ARMC5: variants seen among roughly 807,000 people sequenced by gnomAD.
ARMC5 encodes armadillo repeat-containing protein 5.
Under a neutral mutation model 60.5 loss-of-function variants are expected in ARMC5, and 28 were observed. The ratio of observed to expected loss-of-function variants is 0.46; its 90% confidence interval spans 0.34 to 0.63. The LOEUF (loss-of-function observed/expected upper bound fraction) is 0.63, where lower values mean the gene tolerates loss of function less well. Among genes scored for constraint, ARMC5 ranks in the 30% least tolerant of loss-of-function variants. The probability of loss-of-function intolerance (pLI) is 0.01; values close to 1 mark genes in which losing one functional copy is unlikely to be tolerated. For synonymous variants in ARMC5, 680 were observed against 607.3 expected (o/e 1.12, Z -1.76); for missense variants, 1,189 against 1,304.9 (o/e 0.91, Z 1.37).
At position 31,462,256 on chromosome 16, in the gene ARMC5, G is replaced by A; in HGVS notation, c.709G>A (p.Gly237Arg). The change falls in exon 3 of 6, where the codon GGA (glycine) becomes AGA (arginine). Residue 237 changes from glycine to arginine, a missense_variant. Physicochemically the swap from Gly to Arg is moderately radical, Grantham distance 125. Transcript: ENST00000268314. The surrounding 1 kb of genome is among the most constrained non-coding windows in gnomAD (Gnocchi z 7.2). ...GCACCGCCTGGCCTTGGCACAGCAG[G>A]GAGCAGTGCGTCCGCTGGCCGAGCT... ...PQHRLALAQQ[G>R]AVRPLAELLA... 5 of 1,609,822 alleles carry A rather than the reference G, an allele frequency of 3.1e-6. No homozygotes were observed. The highest frequency in any genetic ancestry group is 1.1e-5 in the South Asian group (1 of 91,084).
intron 1 of ARMC5, among the ~76,000 whole-genome samples, chr16:31,461,670 G>C (rs935395181): frequency 6.6e-6 from 1 of 152,148 alleles, no homozygotes; most frequent in Non-Finnish European, 1.5e-5. Flanking sequence ...ACCATGCCCA[G>C]ATAATTTTTG....
upstream of ARMC5, chr16:31,458,537 G>C (rs1038001101): frequency 4.6e-6 from 7 of 1,529,294 alleles, no homozygotes; most frequent in African/African-American, 9.6e-5. Context: ...CCTTGGTGGT[G>C]AATGAAGCCG....
At position 31,466,409 on chromosome 16, in the gene ARMC5, C is replaced by G. The variant is rs777746191; in HGVS notation, c.2328C>G (p.Ala776=). 1 of 1,612,182 alleles carries G rather than the reference C, an allele frequency of 6.2e-7. No homozygotes were observed. Among genetic ancestry groups the G allele is most frequent in the East Asian group, 2.2e-5 (1 of 44,902 alleles). ...ASATASPFFR[A]LLSGSFAEAQ... ...CCACCGCCTCCCCTTTCTTCCGGGC[C>G]CTGCTGTCAGGCAGCTTTGCAGAAG... Residue 776 remains alanine, a synonymous_variant, in exon 6 of 6, where the codon GCC becomes GCG. Transcript: ENST00000268314. This position sits in a 1 kb window ranked among gnomAD's most constrained non-coding sequence, Gnocchi z 8.0.
In ARMC5 at chr16:31,464,604, G is replaced by A; in HGVS notation, c.1581G>A (p.Leu527=). The A allele has an allele frequency of 6.3e-7, 1 of 1,590,930 alleles. No homozygotes were observed. The highest frequency in any genetic ancestry group is 1.7e-5 in the Admixed American group (1 of 58,278). The change falls in exon 4 of 6, where the codon CTG becomes CTA. Residue 527 remains leucine (L), a synonymous_variant. Coordinates refer to ENST00000268314, the MANE Select transcript of ARMC5 (RefSeq NM_001105247.2). This position sits in a 1 kb window ranked among gnomAD's most constrained non-coding sequence, Gnocchi z 7.6. ...GGGGACGCGAAGGGCCAGCCCTGCT[G>A]CTGCTGTCGCGCTTTTCCCAGGCCC... ...EPWGREGPAL[L]LLSRFSQAPD... is the part of the protein sequence containing the mutation.
In ARMC5 at chr16:31,464,855, G is replaced by A. The variant is rs749059520; in HGVS notation, c.1832G>A (p.Arg611Gln). 5 of 1,599,154 alleles carry A rather than the reference G, an allele frequency of 3.1e-6. No homozygotes were observed. The highest frequency in any genetic ancestry group is 2.2e-5 in the East Asian group (1 of 44,726). The change falls in exon 4 of 6, where the codon CGG (arginine) becomes CAG (glutamine). Residue 611 changes from arginine (R) to glutamine (Q), a missense_variant. By Grantham distance (43) the Arg-to-Gln change is conservative. This residue lies in a region of ARMC5 where 862 missense variants were observed against 1,071.2 expected (regional missense o/e 0.80). Coordinates refer to ENST00000268314, the MANE Select transcript of ARMC5 (RefSeq NM_001105247.2). The surrounding 1 kb of genome is among the most constrained non-coding windows in gnomAD (Gnocchi z 7.6). ...GACGATTGGCCGGCACCACGTGCCC[G>A]GCCCACTCTCCACAGCCGGCACCGA... The part of the protein sequence containing the change: ...APDDWPAPRA[R>Q]PTLHSRHREL...
At chr16:31,460,743 G>A (rs1048246233) in intron 1 of ARMC5, among the ~76,000 whole-genome samples, 1 of 152,098 alleles carries the variant, frequency 6.6e-6, no homozygotes, top group South Asian at 2.1e-4. Flanking sequence ...TCGTATCTTA[G>A]AAAACCAAAC....
chr16:31,464,293 A>T lies in ARMC5; in HGVS notation c.1371-101A>T, dbSNP rs1300772830. The T allele has an allele frequency of 1.5e-4, 17 of 113,278 alleles. No homozygotes were observed. The highest frequency in any genetic ancestry group is 3.2e-3 in the Middle Eastern group (1 of 308). The allele number at this position is 113,278 out of a possible 1,614,324, so 7.0% of individuals were successfully genotyped here. A position where few individuals can be genotyped will look rare whatever the true frequency, so the allele number is the denominator to read the frequency against. ...CTATAGAGGGATACCACATTTCTTTAAAAAAAAAAAAAAAAAAAAAAAAGA... is the reference window on the plus strand; with the variant it reads ...CTATAGAGGGATACCACATTTCTTTTAAAAAAAAAAAAAAAAAAAAAAAGA... On this transcript the variant is annotated intron_variant, in intron 3 of 5. Coordinates refer to ENST00000268314, the MANE Select transcript of ARMC5 (RefSeq NM_001105247.2). The surrounding 1 kb of genome is among the most constrained non-coding windows in gnomAD (Gnocchi z 7.6).
Position 31,464,540 on chromosome 16 carries a change from C to T in ARMC5, c.1517C>T (p.Thr506Ile), listed in dbSNP as rs1216956698. ...CTGCGGGCACCACGCACCCAACGCA[C>T]TCCGGGCCGCAGCCCCGCCGCCGCC... ...TSLRAPRTQR[T>I]PGRSPAAAIE... The change falls in exon 4 of 6, where the codon ACT (threonine) becomes ATT (isoleucine). Residue 506 changes from threonine to isoleucine, a missense_variant. Transcript: ENST00000268314. The surrounding 1 kb of genome is among the most constrained non-coding windows in gnomAD (Gnocchi z 7.6). 4 of 1,590,666 alleles carry T rather than the reference C, an allele frequency of 2.5e-6. No homozygotes were observed. Among genetic ancestry groups the T allele is most frequent in the Non-Finnish European group, 3.4e-6 (4 of 1,169,968 alleles).
rs200309618 is a variant in ARMC5 at position 31,459,621 on chromosome 16, C to G, written c.97C>G (p.Pro33Ala). 1 of 1,595,958 alleles carries G rather than the reference C, an allele frequency of 6.3e-7. No individual in the cohort carries two copies. The highest frequency in any genetic ancestry group is 8.5e-7 in the Non-Finnish European group (1 of 1,177,904). ...AGEALGGEKD[P>A]ATNETPLSRA... ...GGAGGCTCTGGGTGGGGAAAAGGAC[C>G]CAGCGACCAACGAGACACCCCTGAG... Residue 33 changes from proline (P) to alanine (A), a missense_variant, in exon 1 of 6, where the codon CCA becomes GCA. Around this residue, in one of 2 missense-constraint regions of ARMC5, gnomAD observed 327 missense variants for 233.7 expected, o/e 1.40. Coordinates refer to ENST00000268314, the MANE Select transcript of ARMC5 (RefSeq NM_001105247.2).
intron 1 of ARMC5, among the ~76,000 whole-genome samples, chr16:31,460,442 C>T (rs758756218): frequency 6.6e-6 from 1 of 152,108 alleles, no homozygotes; most frequent in Non-Finnish European, 1.5e-5. Flanking sequence ...CTAACCCCTC[C>T]GAGGCTAGGA....
chr16:31,459,373 TC>T, upstream of ARMC5: 1 of 1,536,418 alleles, frequency 6.5e-7, no homozygotes, highest in Non-Finnish European at 8.7e-7. Flanking sequence ...AGGACAGACT[TC>T]CGGGGTCGAG....
chr16:31,464,418 T>C lies in ARMC5; in HGVS notation c.1395T>C (p.Tyr465=). ...GGTCGTGGCTGATCTCCGAGGGCTA[T>C]GCCACAGGCCCTGATGACATCTCCC... ...SLRSWLISEG[Y]ATGPDDISPD... Residue 465 remains tyrosine, a synonymous_variant, in exon 4 of 6, where the codon TAT becomes TAC. Coordinates refer to ENST00000268314, the MANE Select transcript of ARMC5 (RefSeq NM_001105247.2). The surrounding 1 kb of genome is among the most constrained non-coding windows in gnomAD (Gnocchi z 7.6). 6.5e-7 allele frequency: 1 copy of C among 1,543,090 alleles called. No homozygotes were observed. The highest frequency in any genetic ancestry group is 8.7e-7 in the Non-Finnish European group (1 of 1,145,826).
chr16:31,464,521 G>T lies in ARMC5; in HGVS notation c.1498G>T (p.Ala500Ser), dbSNP rs753442543. ...CGCCCCGACCCCGACCTCGCTGCGG[G>T]CACCACGCACCCAACGCACTCCGGG... ...SPAPTPTSLR[A>S]PRTQRTPGRS... The change falls in exon 4 of 6, where the codon GCA (alanine) becomes TCA (serine). Residue 500 changes from alanine (A) to serine (S), a missense_variant. Coordinates refer to ENST00000268314, the MANE Select transcript of ARMC5 (RefSeq NM_001105247.2). This position sits in a 1 kb window ranked among gnomAD's most constrained non-coding sequence, Gnocchi z 7.6. The T allele has an allele frequency of 6.2e-7, 1 of 1,601,706 alleles. No homozygotes were observed. Among genetic ancestry groups the T allele is most frequent in the East Asian group, 2.3e-5 (1 of 44,378 alleles).
chr16:31,459,599 G>A lies in ARMC5; in HGVS notation c.75G>A (p.Glu25=), dbSNP rs1011100948. 4 of 1,601,078 alleles carry A rather than the reference G, an allele frequency of 2.5e-6. No homozygotes were observed. The highest frequency in any genetic ancestry group is 3.4e-6 in the Non-Finnish European group (4 of 1,179,380). The part of the protein sequence containing the change: ...CLAQLAAAAG[E]ALGGEKDPAT... ...CGCAGCTCGCGGCGGCGGCCGGGGA[G>A]GCTCTGGGTGGGGAAAAGGACCCAG... The change falls in exon 1 of 6, where the codon GAG becomes GAA. Residue 25 remains glutamate, a synonymous_variant. Coordinates refer to ENST00000268314, the MANE Select transcript of ARMC5 (RefSeq NM_001105247.2).
chr16:31,461,537 T>A (rs1452918019), intron 1 of ARMC5, among the ~76,000 whole-genome samples: 1 of 152,208 alleles, frequency 6.6e-6, no homozygotes, highest in Non-Finnish European at 1.5e-5. Flanking sequence ...AGATGGAGTC[T>A]TGCTCTGTCA....
chr16:31,465,404 C>T (rs1021049641), intron 4 of ARMC5: 3 of 1,201,518 alleles, frequency 2.5e-6, no homozygotes, highest in South Asian at 2.0e-5. Context: ...ACTATGTCCC[C>T]TCAGCTCCTA....
rs1263318044 is a variant in ARMC5 at position 31,466,904 on chromosome 16, C to G, written c.*15C>G. On this transcript the variant is annotated 3_prime_UTR_variant, in exon 6 of 6. Coordinates refer to ENST00000268314, the MANE Select transcript of ARMC5 (RefSeq NM_001105247.2). The surrounding 1 kb of genome is among the most constrained non-coding windows in gnomAD (Gnocchi z 8.0). ...TCCCTGCCTAGACTGTTGACGTCCC[C>G]TGGGAAGGGGACCCAAGGATGAATT... 2 of 1,506,646 alleles carry G rather than the reference C, an allele frequency of 1.3e-6. No individual in the cohort carries two copies. The highest frequency in any genetic ancestry group is 1.8e-6 in the Non-Finnish European group (2 of 1,130,052). 93.3% of individuals were successfully genotyped at this position (1,506,646 alleles called of 1,614,324 possible).
chr16:31,464,720 C>T lies in ARMC5; in HGVS notation c.1697C>T (p.Ala566Val). ...GCACCGGGCCCGCCCAGCCCACGTG[C>T]ACTGCGCATTCTGTCACGCCTCACC... ...TGAPGPPSPR[A>V]LRILSRLTCN... The change falls in exon 4 of 6, where the codon GCA becomes GTA. Residue 566 changes from alanine (A) to valine (V), a missense_variant. Around this residue, in one of 2 missense-constraint regions of ARMC5, gnomAD observed 862 missense variants for 1,071.2 expected, o/e 0.80. Coordinates refer to ENST00000268314, the MANE Select transcript of ARMC5 (RefSeq NM_001105247.2). The surrounding 1 kb of genome is among the most constrained non-coding windows in gnomAD (Gnocchi z 7.6). The T allele has an allele frequency of 6.3e-7, 1 of 1,599,180 alleles. No individual in the cohort carries two copies. Among genetic ancestry groups the T allele is most frequent in the Non-Finnish European group, 8.5e-7 (1 of 1,179,400 alleles).
rs781727896 is a variant in ARMC5, at chr16:31,462,208, C to T, written c.661C>T (p.Arg221Cys). 1.4e-5 allele frequency: 22 copies of T among 1,611,158 alleles called. No individual in the cohort carries two copies. The highest frequency in any genetic ancestry group is 8.8e-5 in the South Asian group (8 of 91,086). Residue 221 changes from arginine (R) to cysteine (C), a missense_variant, in exon 3 of 6, where the codon CGT becomes TGT. Physicochemically the swap from Arg to Cys is radical, Grantham distance 180. Around this residue, in one of 2 missense-constraint regions of ARMC5, gnomAD observed 862 missense variants for 1,071.2 expected, o/e 0.80. Coordinates refer to ENST00000268314, the MANE Select transcript of ARMC5 (RefSeq NM_001105247.2). This position sits in a 1 kb window ranked among gnomAD's most constrained non-coding sequence, Gnocchi z 7.2. ...QCLQSVVRAL[R>C]NLADSPQHRL... ...CCTACAGAGCGTGGTGCGTGCCCTC[C>T]GTAACCTGGCAGACTCACCCCAGCA...
Sources: gnomAD v4.1 joint callset for allele counts (sites outside exome capture counted in the v4.1 genomes callset) on GRCh38, gnomAD v4.1.1 for gene constraint, gnomAD v4.1.1 regional missense constraint, Gnocchi (gnomAD v3.1) non-coding constraint, MANE v1.5 for transcripts, NCBI Gene and HGNC (gene_info 2026-07-23, HGNC 2026-07-21) for gene names.